The following CHLSN variants were observed in gnomAD, a reference collection of about 807,000 sequenced individuals.
CHLSN encodes the protein protein cholesin.
chr7:1,045,882 C>G, the CHLSN span: 1 of 152,278 alleles, frequency 6.6e-6, no homozygotes, highest in Non-Finnish European at 1.5e-5. Flanking sequence ...GTCCACGTGT[C>G]ATCCTGCCTC....
chr7:1,087,493 A>G, the CHLSN span, among the ~76,000 whole-genome samples: 1 of 152,278 alleles, frequency 6.6e-6, no homozygotes, highest in African/African-American at 2.4e-5. Context: ...AACACTTTTA[A>G]CAATTTCATG....
the CHLSN span, chr7:1,010,175 G>A: frequency 6.9e-6 from 11 of 1,582,984 alleles, no homozygotes; most frequent in Admixed American, 5.2e-5. Flanking sequence ...AGGCTTCGGG[G>A]ATGGAGGGTA....
chr7:1,026,006 G>A, the CHLSN span: 2 of 152,216 alleles, frequency 1.3e-5, no homozygotes, highest in African/African-American at 2.4e-5. Flanking sequence ...GGCAGAAGCA[G>A]AAGCAGGCCT....
At chr7:1,005,873 C>T in the CHLSN span, among the ~76,000 whole-genome samples, 77 of 152,334 alleles carry the variant, frequency 5.1e-4, no homozygotes, top group African/African-American at 1.8e-3. Flanking sequence ...CCTCCCGCCT[C>T]GAGCAGACCC....
chr7:987,284 C>T, the CHLSN span: 8 of 1,506,550 alleles, frequency 5.3e-6, 1 homozygote, highest in South Asian at 2.5e-5. Flanking sequence ...TCCTTCTGCC[C>T]CCGGGGGACC....
chr7:1,115,472 G>A, the CHLSN span, among the ~76,000 whole-genome samples: 12 of 152,200 alleles, frequency 7.9e-5, no homozygotes, highest in East Asian at 3.9e-4. Context: ...CATCACCAAC[G>A]CCCACGCAGG....
the CHLSN span, among the ~76,000 whole-genome samples, chr7:1,013,988 G>A: frequency 1.1e-4 from 17 of 152,330 alleles, no homozygotes; most frequent in East Asian, 1.2e-3. Context: ...GATAAACTGC[G>A]ACCCCGAGGA....
chr7:1,082,861 G>A, the CHLSN span, among the ~76,000 whole-genome samples: 46 of 152,356 alleles, frequency 3.0e-4, no homozygotes, highest in East Asian at 9.6e-4. Context: ...ACTGAAGAGA[G>A]GATGCGTCAT....
the CHLSN span, among the ~76,000 whole-genome samples, chr7:1,101,543 A>G: frequency 1.8e-4 from 27 of 152,226 alleles, no homozygotes; most frequent in African/African-American, 6.3e-4. Flanking sequence ...TTCCCCGGCT[A>G]TTCCTGAACA....
chr7:1,064,242 C>T, the CHLSN span, among the ~76,000 whole-genome samples: 1 of 152,188 alleles, frequency 6.6e-6, no homozygotes, highest in Non-Finnish European at 1.5e-5. Context: ...CGACACAGCG[C>T]CGGGTCCTGA....
the CHLSN span, among the ~76,000 whole-genome samples, chr7:995,144 T>C: frequency 1.3e-5 from 2 of 152,246 alleles, no homozygotes; most frequent in Non-Finnish European, 2.9e-5. Flanking sequence ...CCCCAGCACA[T>C]GTGGCCCGAC....
the CHLSN span, chr7:1,043,919 T>G: frequency 3.3e-5 from 5 of 152,278 alleles, no homozygotes; most frequent in Non-Finnish European, 5.9e-5. Flanking sequence ...TGAACCAGAA[T>G]GTGCTGCAGG....
the CHLSN span, chr7:1,055,511 G>A: frequency 4.4e-6 from 2 of 451,820 alleles, no homozygotes; most frequent in South Asian, 1.6e-5. Flanking sequence ...CCGCAGGTGG[G>A]AGAGGGGACG....
At chr7:1,006,109 G>A in the CHLSN span, among the ~76,000 whole-genome samples, 2 of 152,192 alleles carry the variant, frequency 1.3e-5, no homozygotes, top group Admixed American at 1.3e-4. Context: ...CGTGTGCCTC[G>A]CTCGTGTAAC....
At chr7:1,019,077 C>T in the CHLSN span, among the ~76,000 whole-genome samples, 1 of 151,868 alleles carries the variant, frequency 6.6e-6, no homozygotes. Context: ...CGTCTGTAAT[C>T]CCAGCTACCC....
At chr7:1,093,840 G>T in the CHLSN span, 7 of 351,006 alleles carry the variant, frequency 2.0e-5, no homozygotes, top group South Asian at 1.5e-4. Context: ...TTGGGGGTCT[G>T]CCAAGTGGGG....
At chr7:1,090,909 C>T in the CHLSN span, among the ~76,000 whole-genome samples, 476 of 152,264 alleles carry the variant, frequency 3.1e-3, 8 homozygotes, top group East Asian at 0.022. Context: ...ATGAGGAAAC[C>T]GCTGAACTTC....
chr7:999,556 G>A, the CHLSN span, among the ~76,000 whole-genome samples: 65 of 152,236 alleles, frequency 4.3e-4, no homozygotes, highest in African/African-American at 1.5e-3. Context: ...GCCTGGGCGG[G>A]GCCCTGTCTC....
At chr7:1,084,479 C>T in the CHLSN span, among the ~76,000 whole-genome samples, 10 of 152,356 alleles carry the variant, frequency 6.6e-5, no homozygotes, top group South Asian at 2.1e-4. Flanking sequence ...GGATCCGGCG[C>T]GTGGTACTGT....
Sources: gnomAD v4.1 joint callset for allele counts (sites outside exome capture counted in the v4.1 genomes callset) on GRCh38, gnomAD v4.1.1 for gene constraint, MANE v1.5 for transcripts, NCBI Gene and HGNC (gene_info 2026-07-23, HGNC 2026-07-21) for gene names.